EDARADD: variants seen among roughly 807,000 people sequenced by gnomAD.
EDARADD encodes EDAR associated via death domain.
A neutral mutation model predicts 25.6 loss-of-function variants in EDARADD; 20 were observed. The observed-to-expected ratio is 0.78, with a 90% CI of 0.55 to 1.14. The LOEUF (loss-of-function observed/expected upper bound fraction) is 1.14, where lower values mean the gene tolerates loss of function less well. Among genes scored for constraint, EDARADD ranks in the 50% most tolerant of loss-of-function variants. EDARADD has a pLI of 0.00. For synonymous variants in EDARADD, 86 were observed against 94.4 expected (o/e 0.91, Z 0.52); for missense variants, 225 against 270.1 (o/e 0.83, Z 1.17).
intron 3 of EDARADD, among the ~76,000 whole-genome samples, chr1:236,379,758 C>T (rs373978240): frequency 3.3e-5 from 5 of 151,540 alleles, no homozygotes; most frequent in East Asian, 1.9e-4. Context: ...CCAGCCTGGG[C>T]GACAGAGTGA....
chr1:236,416,673 A>G (rs1657647835), intron 3 of EDARADD, among the ~76,000 whole-genome samples: 1 of 152,214 alleles, frequency 6.6e-6, no homozygotes, highest in Non-Finnish European at 1.5e-5. Context: ...ATTATTATTA[A>G]GTGCATAATT....
chr1:236,483,134 G>A lies in EDARADD; in HGVS notation c.*485G>A. Reference sequence around the variant, plus strand: ...TGCAGCACCCTCCACTTCTCTCCTAGGCAATGAGACCCAGTGGCTAGAAAT... The same window carrying A: ...TGCAGCACCCTCCACTTCTCTCCTAAGCAATGAGACCCAGTGGCTAGAAAT... On this transcript the variant is annotated 3_prime_UTR_variant, in exon 6 of 6. Transcript: ENST00000334232. 2 of 1,410,528 alleles carry A rather than the reference G, an allele frequency of 1.4e-6. No individual in the cohort carries two copies. Among genetic ancestry groups the A allele is most frequent in the South Asian group, 2.3e-5 (2 of 86,564 alleles). 87.4% of individuals were successfully genotyped at this position (1,410,528 alleles called of 1,614,324 possible).
At chr1:236,482,165 A>G in intron 5 of EDARADD, 102 bp from the exon 6 acceptor site, 1 of 1,389,730 alleles carries the variant, frequency 7.2e-7, no homozygotes, top group South Asian at 1.2e-5. Context: ...AGTCTTCCAT[A>G]TGATGCTTTT....
chr1:236,395,018 G>T lies in EDARADD; in HGVS notation c.61+513G>T, dbSNP rs1307198355. On this transcript the variant is annotated intron_variant, in intron 1 of 5. Transcript: ENST00000334232. This position sits in a 1 kb window ranked among gnomAD's most constrained non-coding sequence, Gnocchi z 6.9. Reference sequence around the variant, plus strand: ...AAATCAAAATAGAAAGTACCAGCGTGTGCCATCATGCAGCGGCAGAGCCTG... The same window carrying T: ...AAATCAAAATAGAAAGTACCAGCGTTTGCCATCATGCAGCGGCAGAGCCTG... Among the ~76,000 whole-genome samples the T allele has an allele frequency of 6.6e-6, 1 of 152,238 alleles. No individual in the cohort carries two copies. Among genetic ancestry groups the T allele is most frequent in the Non-Finnish European group, 1.5e-5 (1 of 68,036 alleles).
intron 3 of EDARADD, among the ~76,000 whole-genome samples, chr1:236,422,776 C>T (rs2103014325): frequency 6.6e-6 from 1 of 152,272 alleles, no homozygotes; most frequent in Non-Finnish European, 1.5e-5. Context: ...GGAAGCCACC[C>T]CTTCCTGCAG....
intron 5 of EDARADD, among the ~76,000 whole-genome samples, chr1:236,479,424 G>A (rs1385296871): frequency 6.6e-6 from 1 of 151,878 alleles, no homozygotes; most frequent in East Asian, 1.9e-4. Context: ...GAGCCTAGGA[G>A]GTTAAGGCGG....
chr1:236,467,434 A>ACACG (rs1307043016), intron 4 of EDARADD, among the ~76,000 whole-genome samples: 6 of 149,350 alleles, frequency 4.0e-5, no homozygotes, highest in Admixed American at 3.3e-4. Flanking sequence ...GCGCACACAC[A>ACACG]CACACACACA....
chr1:236,443,757 A>G (rs1171855904), intron 4 of EDARADD, among the ~76,000 whole-genome samples: 1 of 152,228 alleles, frequency 6.6e-6, no homozygotes, highest in Non-Finnish European at 1.5e-5. Context: ...ACATAAATTT[A>G]GAATAGTACA....
In EDARADD at chr1:236,484,736, A is replaced by G. The variant is rs1659784989; in HGVS notation, c.*2087A>G. ...AAAAAAAAAAAAAAAAAGAACTTCT[A>G]CAGAAGCCAAGCTCCCTGGAGCCCT... On this transcript the variant is annotated 3_prime_UTR_variant, in exon 6 of 6. Coordinates refer to ENST00000334232, the MANE Select transcript of EDARADD (RefSeq NM_145861.4). This position sits in a 1 kb window ranked among gnomAD's most constrained non-coding sequence, Gnocchi z 4.1. 3.4e-6 allele frequency: 1 copy of G among 290,038 alleles called. No individual in the cohort carries two copies. The highest frequency in any genetic ancestry group is 4.1e-5 in the South Asian group (1 of 24,264). 18.0% of individuals were successfully genotyped at this position (290,038 alleles called of 1,614,324 possible).
intron 4 of EDARADD, among the ~76,000 whole-genome samples, chr1:236,456,540 T>C (rs1171742851): frequency 6.6e-6 from 1 of 151,978 alleles, no homozygotes; most frequent in Non-Finnish European, 1.5e-5. Flanking sequence ...GCCTGTGACA[T>C]CTCACTTTCT....
At position 236,468,216 on chromosome 1, in the gene EDARADD, CT is replaced by C. The variant is rs778788277; in HGVS notation, c.220-10del. 11 of 1,612,974 alleles carry C rather than the reference CT, an allele frequency of 6.8e-6. No homozygotes were observed. Among genetic ancestry groups the C allele is most frequent in the Non-Finnish European group, 9.3e-6 (11 of 1,178,972 alleles). ...TTGGATATGATTTTAATGAAGGTTG[CT>C]TTTTGGTTTTTAGGGAGAAGAAAAT... On this transcript the variant is annotated splice_polypyrimidine_tract_variant and intron_variant, in intron 4 of 5. Transcript: ENST00000334232.
Position 236,414,259 on chromosome 1 carries a change from G to C in EDARADD, c.121-1G>C. The C allele has an allele frequency of 6.2e-7, 1 of 1,610,012 alleles. No individual in the cohort carries two copies. The highest frequency in any genetic ancestry group is 8.5e-7 in the Non-Finnish European group (1 of 1,176,440). ...TTCTCCTCTTTTGTTGGTTTCTACA[G>C]TCAGACAAATATCCCATTCAAGATA... is the stretch of plus-strand genomic sequence containing the variant. On this transcript the variant is annotated splice_acceptor_variant, in intron 2 of 5. Coordinates refer to ENST00000334232, the MANE Select transcript of EDARADD (RefSeq NM_145861.4). LOFTEE classifies it high-confidence loss of function.
intron 4 of EDARADD, among the ~76,000 whole-genome samples, chr1:236,445,683 AAT>A (rs1658518664): frequency 6.6e-6 from 1 of 152,174 alleles, no homozygotes; most frequent in Non-Finnish European, 1.5e-5. Context: ...TAAACTTTTC[AAT>A]ATAGTTGTAA....
intron 4 of EDARADD, among the ~76,000 whole-genome samples, chr1:236,467,400 T>C (rs16833712): frequency 0.19 from 27,768 of 149,870 alleles, 2,817 homozygotes; most frequent in African/African-American, 0.25. Flanking sequence ...TCTCCTCTGC[T>C]GACTTCATGG....
intron 3 of EDARADD, among the ~76,000 whole-genome samples, chr1:236,375,733 A>T (rs1395170353): frequency 1.3e-5 from 2 of 151,478 alleles, no homozygotes; most frequent in Admixed American, 6.6e-5. Flanking sequence ...CAAAAAATTT[A>T]AAAATTAGCT....
Position 236,482,310 on chromosome 1 carries a change from C to T in EDARADD, c.309C>T (p.Ser103=), listed in dbSNP as rs2103042566. 2 of 1,614,102 alleles carry T rather than the reference C, an allele frequency of 1.2e-6. No individual in the cohort carries two copies. The highest frequency in any genetic ancestry group is 4.5e-5 in the East Asian group (2 of 44,874). The change falls in exon 6 of 6, where the codon TCC becomes TCT. Residue 103 remains serine, a synonymous_variant. Coordinates refer to ENST00000334232, the MANE Select transcript of EDARADD (RefSeq NM_145861.4). ...CCTGCAAAGAAAACTGTACTTGTTC[C>T]TCCTGCTTGCTCCGGGCCCCCACCA... ...DNSCKENCTC[S]SCLLRAPTIS...
At chr1:236,481,861 C>T (rs1009922849) in intron 5 of EDARADD, among the ~76,000 whole-genome samples, 7 of 150,672 alleles carry the variant, frequency 4.6e-5, no homozygotes, top group South Asian at 2.1e-4. Flanking sequence ...TGCCTATAAT[C>T]GCAGCACTTT....
chr1:236,429,911 G>C (rs896752227), intron 4 of EDARADD, among the ~76,000 whole-genome samples: 1 of 152,118 alleles, frequency 6.6e-6, no homozygotes, highest in Non-Finnish European at 1.5e-5. Context: ...GGCATGTTTT[G>C]CCTCAAATAG....
intron 5 of EDARADD, among the ~76,000 whole-genome samples, chr1:236,481,397 G>C (rs2103041953): frequency 6.6e-6 from 1 of 152,286 alleles, no homozygotes; most frequent in East Asian, 1.9e-4. Context: ...GACATAGACA[G>C]TCTTGGAAAG....
Sources: gnomAD v4.1 joint callset for allele counts (sites outside exome capture counted in the v4.1 genomes callset) on GRCh38, gnomAD v4.1.1 for gene constraint, Gnocchi (gnomAD v3.1) non-coding constraint, MANE v1.5 for transcripts, NCBI Gene and HGNC (gene_info 2026-07-23, HGNC 2026-07-21) for gene names.